The following COX5A variants were observed in gnomAD, a reference collection of about 807,000 sequenced individuals.
The protein encoded by COX5A is cytochrome c oxidase subunit 5A, also known as cytochrome c oxidase subunit 5A, mitochondrial.
A neutral mutation model predicts 16.1 loss-of-function variants in COX5A; 6 were observed. The ratio of observed to expected loss-of-function variants is 0.37; its 90% CI spans 0.20 to 0.73. The LOEUF (loss-of-function observed/expected upper bound fraction) is 0.73. COX5A is among the 30% of genes least tolerant of loss of function. The pLI is 0.50. For missense variants in COX5A, 159 were observed against 194.9 expected, an observed-to-expected ratio of 0.82 and a Z score of 1.10; for synonymous variants, 73 against 73.8, an observed-to-expected ratio of 0.99 and a Z score of 0.06.
chr15:74,922,568 A>G (rs1490953450), intron 4 of COX5A, among the ~76,000 whole-genome samples: 1 of 151,732 alleles, frequency 6.6e-6, no homozygotes, highest in African/African-American at 2.4e-5. Flanking sequence ...CCAGTCTCAA[A>G]CTCCTGATAC....
At chr15:74,928,062 G>C (rs754573240) in intron 2 of COX5A, among the ~76,000 whole-genome samples, 6 of 152,162 alleles carry the variant, frequency 3.9e-5, no homozygotes, top group Non-Finnish European at 7.4e-5. Context: ...TGTTCAGTAA[G>C]AATTCTATTG....
At chr15:74,925,677 C>T (rs993758036) in intron 3 of COX5A, among the ~76,000 whole-genome samples, 3 of 152,092 alleles carry the variant, frequency 2.0e-5, no homozygotes, top group Non-Finnish European at 2.9e-5. Context: ...CGTGAGCCAC[C>T]GTGCCCAGCC....
intron 3 of COX5A, among the ~76,000 whole-genome samples, chr15:74,924,013 C>G (rs1424027338): frequency 6.6e-6 from 1 of 151,574 alleles, no homozygotes; most frequent in Non-Finnish European, 1.5e-5. Context: ...AATCCCGTCT[C>G]TACTAAAAAT....
chr15:74,920,549 T>C, intron 4 of COX5A, 107 bp from the exon 5 acceptor site: 1 of 633,140 alleles, frequency 1.6e-6, no homozygotes, highest in Non-Finnish European at 2.7e-6. Context: ...TGTCTCTCTG[T>C]ACCCTTTACT....
intron 3 of COX5A, among the ~76,000 whole-genome samples, chr15:74,925,915 G>C (rs1400094528): frequency 6.6e-6 from 1 of 150,962 alleles, no homozygotes; most frequent in African/African-American, 2.4e-5. Flanking sequence ...GCCCAGGCTG[G>C]AGTGCAATGG....
At position 74,929,125 on chromosome 15, in the gene COX5A, A is replaced by G. The variant is rs1484169820; in HGVS notation, c.208T>C (p.Leu70=). ...FNKPDIDAWE[L]RKGINTLVTY... Reference sequence around the variant, plus strand: ...TTTATGTTCCAATTACCTTTACGCAATTCCCAGGCATCTATATCTGGCTTG... The same window carrying G: ...TTTATGTTCCAATTACCTTTACGCAGTTCCCAGGCATCTATATCTGGCTTG... Residue 70 remains leucine, a synonymous_variant, in exon 2 of 5, where the codon TTG becomes CTG. Transcript: ENST00000322347. 4 of 1,608,576 alleles carry G rather than the reference A, an allele frequency of 2.5e-6. No homozygotes were observed. The highest frequency in any genetic ancestry group is 2.6e-6 in the Non-Finnish European group (3 of 1,174,964).
chr15:74,932,829 T>C (rs1178892513), intron 1 of COX5A, among the ~76,000 whole-genome samples: 1 of 151,902 alleles, frequency 6.6e-6, no homozygotes, highest in Non-Finnish European at 1.5e-5. Flanking sequence ...CCCAAGTAGC[T>C]GGGATTACAG....
intron 4 of COX5A, among the ~76,000 whole-genome samples, chr15:74,921,842 T>C (rs955628020): frequency 1.3e-5 from 2 of 152,144 alleles, no homozygotes; most frequent in Non-Finnish European, 2.9e-5. Context: ...TTGCATATAT[T>C]ATAAAGATGA....
chr15:74,935,833 A>AC (rs914734779), intron 1 of COX5A, among the ~76,000 whole-genome samples: 2 of 132,698 alleles, frequency 1.5e-5, no homozygotes, highest in African/African-American at 5.7e-5. Flanking sequence ...CAGGTAATCT[A>AC]CCCGCCACAA....
intron 2 of COX5A, 21 bp from the exon 3 acceptor site, chr15:74,926,908 G>A (rs1272907639): frequency 6.2e-7 from 1 of 1,603,632 alleles, no homozygotes; most frequent in South Asian, 1.1e-5. Flanking sequence ...AAAAAGAAGG[G>A]CCATGTCAAC....
chr15:74,921,781 T>C (rs1202236261), intron 4 of COX5A, among the ~76,000 whole-genome samples: 1 of 151,950 alleles, frequency 6.6e-6, no homozygotes, highest in Non-Finnish European at 1.5e-5. Context: ...CTAGGAAAAT[T>C]TCCATTCTGA....
chr15:74,937,920 G>C lies in COX5A; in HGVS notation c.95C>G (p.Ala32Gly). Reference sequence around the variant, plus strand: ...GTGGCAAGCAGGGGCCTTACCCACGGCGGGGCCGGGGGTCCGGGCGGAGTG... The same window carrying C: ...GTGGCAAGCAGGGGCCTTACCCACGCCGGGGCCGGGGGTCCGGGCGGAGTG... The part of the protein sequence containing the change: ...LLHSARTPGP[A>G]VAIQSVRCYS... The change falls in exon 1 of 5, where the codon GCC becomes GGC. Residue 32 changes from alanine (A) to glycine (G), a missense_variant. Coordinates refer to ENST00000322347, the MANE Select transcript of COX5A (RefSeq NM_004255.4). The C allele has an allele frequency of 4.9e-6, 6 of 1,232,108 alleles. No individual in the cohort carries two copies. Among genetic ancestry groups the C allele is most frequent in the Non-Finnish European group, 6.1e-6 (6 of 986,876 alleles). The allele number at this position is 1,232,108 out of a possible 1,614,324, so 76.3% of individuals were successfully genotyped here. A position where few individuals can be genotyped will look rare whatever the true frequency, so the allele number is the denominator to read the frequency against.
In COX5A at chr15:74,937,903, C is replaced by A. The variant is rs2065399397; in HGVS notation, c.100+12G>T. The A allele has an allele frequency of 1.6e-6, 2 of 1,229,544 alleles. No individual in the cohort carries two copies. Among genetic ancestry groups the A allele is most frequent in the Admixed American group, 4.2e-5 (1 of 23,650 alleles). The allele number at this position is 1,229,544 out of a possible 1,614,324, so 76.2% of individuals were successfully genotyped here. A position where few individuals can be genotyped will look rare whatever the true frequency, so the allele number is the denominator to read the frequency against. On this transcript the variant is annotated intron_variant, in intron 1 of 4. Transcript: ENST00000322347. Reference sequence around the variant, plus strand: ...ACACGAGGGCGCGGGCAGTGGCAAGCAGGGGCCTTACCCACGGCGGGGCCG... The same window carrying A: ...ACACGAGGGCGCGGGCAGTGGCAAGAAGGGGCCTTACCCACGGCGGGGCCG...
chr15:74,929,906 C>T (rs532798394), intron 1 of COX5A, among the ~76,000 whole-genome samples: 7 of 150,894 alleles, frequency 4.6e-5, no homozygotes, highest in African/African-American at 1.5e-4. Flanking sequence ...GGTGAAACCC[C>T]GTCTCTACTA....
intron 1 of COX5A, among the ~76,000 whole-genome samples, chr15:74,934,471 C>T (rs1164013874): frequency 2.6e-5 from 4 of 152,028 alleles, no homozygotes; most frequent in Non-Finnish European, 4.4e-5. Context: ...GCTGGGACTA[C>T]AGGCACTCGC....
chr15:74,929,134 C>CA lies in COX5A; in HGVS notation c.198dup (p.Ala67CysfsTer6). 1 of 1,611,714 alleles carries CA rather than the reference C, an allele frequency of 6.2e-7. No individual in the cohort carries two copies. Among genetic ancestry groups the CA allele is most frequent in the Non-Finnish European group, 8.5e-7 (1 of 1,177,806 alleles). On this transcript the variant is annotated frameshift_variant, in exon 2 of 5. Coordinates refer to ENST00000322347, the MANE Select transcript of COX5A (RefSeq NM_004255.4). LOFTEE classifies it high-confidence loss of function. The stretch of plus-strand genomic sequence containing the variant: ...CAATTACCTTTACGCAATTCCCAGG[C>CA]ATCTATATCTGGCTTGTTGAAGTAT...
At chr15:74,921,489 G>A (rs1299826812) in intron 4 of COX5A, among the ~76,000 whole-genome samples, 1 of 151,688 alleles carries the variant, frequency 6.6e-6, no homozygotes, top group Non-Finnish European at 1.5e-5. Flanking sequence ...CAGCACTTTG[G>A]GAGGCTGAGG....
At chr15:74,922,664 CTTT>C (rs941924508) in intron 4 of COX5A, among the ~76,000 whole-genome samples, 7 of 128,382 alleles carry the variant, frequency 5.5e-5, no homozygotes, top group Admixed American at 2.4e-4. Flanking sequence ...CAAGTTGAGT[CTTT>C]TTTTTTTTTT....
At chr15:74,924,164 G>T (rs542695034) in intron 3 of COX5A, among the ~76,000 whole-genome samples, 3 of 152,164 alleles carry the variant, frequency 2.0e-5, no homozygotes, top group African/African-American at 7.2e-5. Flanking sequence ...CTGGGTGACA[G>T]AACAAGATTC....
Sources: gnomAD v4.1 joint callset for allele counts (sites outside exome capture counted in the v4.1 genomes callset) on GRCh38, gnomAD v4.1.1 for gene constraint, MANE v1.5 for transcripts, NCBI Gene and HGNC (gene_info 2026-07-23, HGNC 2026-07-21) for gene names.